ACVR1B: variants seen among roughly 807,000 people sequenced by gnomAD.
ACVR1B encodes activin receptor type-1B.
A neutral mutation model predicts 55.6 loss-of-function variants in ACVR1B; 15 were observed. The observed-to-expected ratio is 0.27, with a 90% confidence interval of 0.18 to 0.42. The LOEUF is 0.42. Among genes scored for constraint, ACVR1B ranks in the 10% least tolerant of loss-of-function variants. ACVR1B has a pLI of 1.00. For missense variants in ACVR1B, 359 were observed against 670.1 expected (o/e 0.54, Z 5.13); for synonymous variants, 247 against 254.6 (o/e 0.97, Z 0.28).
At chr12:51,981,858 AAAAG>A (rs1391969889) in intron 4 of ACVR1B, among the ~76,000 whole-genome samples, 7 of 152,254 alleles carry the variant, frequency 4.6e-5, no homozygotes, top group African/African-American at 1.7e-4. Context: ...CAAAAAAAAA[AAAAG>A]AAAAAAAAAA....
Position 51,952,693 on chromosome 12 carries a change from A to G in ACVR1B, c.91+859A>G, listed in dbSNP as rs143893884. On this transcript the variant is annotated intron_variant, in intron 1 of 8. Coordinates refer to ENST00000257963, the MANE Select transcript of ACVR1B (RefSeq NM_004302.5). ...GTTAATCACTTTGTGGATGCCTTTC[A>G]GGTGAAATCCTGGAACCTGTCTCCA... Among the ~76,000 whole-genome samples the G allele has an allele frequency of 4.1e-3, 631 of 152,160 alleles. 4 individuals carry two copies. Among genetic ancestry groups the G allele is most frequent in the African/African-American group, 0.014 (594 of 41,498 alleles).
intron 1 of ACVR1B, 127 bp downstream of exon 1, chr12:51,951,961 G>T (rs1036312064): frequency 6.2e-6 from 3 of 485,886 alleles, no homozygotes; most frequent in Non-Finnish European, 9.4e-6. Flanking sequence ...GGTGGGGGGC[G>T]CAGAGGAGTC....
intron 5 of ACVR1B, among the ~76,000 whole-genome samples, 179 bp from the exon 6 acceptor site, chr12:51,985,013 T>A (rs543937102): frequency 1.3e-5 from 2 of 152,320 alleles, no homozygotes; most frequent in East Asian, 1.9e-4. Flanking sequence ...AAATAAGTAG[T>A]CATTCTGATT....
chr12:51,970,712 T>C (rs756851294), intron 1 of ACVR1B, among the ~76,000 whole-genome samples: 1 of 152,058 alleles, frequency 6.6e-6, no homozygotes, highest in Non-Finnish European at 1.5e-5. Context: ...GAAAGAGTGC[T>C]GAGAAGCAGT....
chr12:51,952,013 C>G (rs1036179797), intron 1 of ACVR1B, among the ~76,000 whole-genome samples, 179 bp downstream of exon 1: 1 of 151,948 alleles, frequency 6.6e-6, no homozygotes, highest in Non-Finnish European at 1.5e-5. Context: ...CGAGGCGCAG[C>G]CGCCCGGCGG....
At chr12:51,983,255 CCCT>C (rs1313125383) in intron 4 of ACVR1B, among the ~76,000 whole-genome samples, 1 of 152,188 alleles carries the variant, frequency 6.6e-6, no homozygotes, top group Non-Finnish European at 1.5e-5. Context: ...TTCTTTTTCT[CCCT>C]CCTCCTGCTC....
In ACVR1B at chr12:51,985,180, T is replaced by C. The variant is rs943045768; in HGVS notation, c.980-12T>C. On this transcript the variant is annotated splice_polypyrimidine_tract_variant and intron_variant, in intron 5 of 8. Coordinates refer to ENST00000257963, the MANE Select transcript of ACVR1B (RefSeq NM_004302.5). The stretch of plus-strand genomic sequence containing the variant: ...ATCTCTTTGTAAAGATCCCTGTTTT[T>C]TTCTCTGCCAGGGAAGCCTGGAATT... 1 of 1,602,434 alleles carries C rather than the reference T, an allele frequency of 6.2e-7. No homozygotes were observed. The highest frequency in any genetic ancestry group is 1.7e-5 in the Admixed American group (1 of 57,950).
chr12:51,987,279 A>G (rs1350521950), intron 7 of ACVR1B: 6 of 609,310 alleles, frequency 9.8e-6, no homozygotes, highest in South Asian at 4.0e-5. Context: ...CCTTCACATC[A>G]GAAGCAGTAT....
chr12:51,993,621 G>T (rs1402450718), intron 8 of ACVR1B, among the ~76,000 whole-genome samples: 3 of 151,970 alleles, frequency 2.0e-5, no homozygotes, highest in Non-Finnish European at 4.4e-5. Context: ...ACAAAAATCA[G>T]CTGGGCGTAG....
intron 7 of ACVR1B, 145 bp downstream of exon 7, chr12:51,987,087 G>A (rs1467927963): frequency 8.9e-7 from 1 of 1,125,440 alleles, no homozygotes; most frequent in Non-Finnish European, 1.3e-6. Flanking sequence ...GCCATCAAAG[G>A]TGTGGAGGTA....
intron 7 of ACVR1B, chr12:51,987,295 A>G: frequency 1.7e-6 from 1 of 580,900 alleles, no homozygotes; most frequent in South Asian, 2.3e-5. Context: ...AGTATATTCT[A>G]ACGCGGTGGC....
chr12:51,993,066 G>GTA (rs538156303), intron 8 of ACVR1B, among the ~76,000 whole-genome samples: 1 of 152,194 alleles, frequency 6.6e-6, no homozygotes, highest in Non-Finnish European at 1.5e-5. Context: ...ATTGATACAT[G>GTA]TATGTATTGT....
chr12:51,970,919 C>T (rs1181891092), intron 1 of ACVR1B, among the ~76,000 whole-genome samples: 1 of 152,116 alleles, frequency 6.6e-6, no homozygotes, highest in Non-Finnish European at 1.5e-5. Flanking sequence ...TAGGTGCGCT[C>T]CTGGACCTTC....
intron 1 of ACVR1B, among the ~76,000 whole-genome samples, chr12:51,970,180 A>G (rs1394849773): frequency 6.6e-6 from 1 of 152,130 alleles, no homozygotes; most frequent in African/African-American, 2.4e-5. Flanking sequence ...GAATCTGATC[A>G]CATGAAGGTG....
Position 51,965,026 on chromosome 12 carries a change from G to A in ACVR1B, c.92-10239G>A, listed in dbSNP as rs578114928. ...AAAAAGGCCACTGAGATTCTGATAG[G>A]GATTGTATTGACTCTCATCTGATGT... is the stretch of plus-strand genomic sequence containing the variant. On this transcript the variant is annotated intron_variant, in intron 1 of 8. Coordinates refer to ENST00000257963, the MANE Select transcript of ACVR1B (RefSeq NM_004302.5). Among the ~76,000 whole-genome samples, 47 of 151,868 alleles carry A rather than the reference G, an allele frequency of 3.1e-4. 1 individual carries two copies. The South Asian group carries it at 4.8e-3, about 15-fold the overall frequency.
intron 3 of ACVR1B, among the ~76,000 whole-genome samples, chr12:51,980,477 T>C (rs1941956134): frequency 6.6e-6 from 1 of 152,224 alleles, no homozygotes; most frequent in South Asian, 2.1e-4. Context: ...TTGCTCTCTT[T>C]GGAGATGGGA....
chr12:51,975,774 C>T (rs1459489391), intron 2 of ACVR1B, among the ~76,000 whole-genome samples: 1 of 152,196 alleles, frequency 6.6e-6, no homozygotes, highest in Non-Finnish European at 1.5e-5. Flanking sequence ...GTGGAAGAAC[C>T]AGGCAGGGAT....
intron 7 of ACVR1B, among the ~76,000 whole-genome samples, chr12:51,990,757 A>G (rs972900156): frequency 2.6e-5 from 4 of 152,140 alleles, no homozygotes; most frequent in African/African-American, 7.2e-5. Context: ...TCTTGTCTAC[A>G]TGTTCCCCCT....
chr12:51,979,454 G>A (rs933174110), intron 3 of ACVR1B, among the ~76,000 whole-genome samples: 32 of 112,676 alleles, frequency 2.8e-4, no homozygotes, highest in Admixed American at 1.7e-3. Context: ...GTGACAGAGC[G>A]AGACACCATC....
Sources: allele counts gnomAD v4.1 joint callset (sites outside exome capture counted in the v4.1 genomes callset), GRCh38; gene constraint gnomAD v4.1.1; transcripts MANE v1.5; gene names NCBI Gene and HGNC (gene_info 2026-07-23, HGNC 2026-07-21).